The following CREM variants were observed in gnomAD, a reference collection of about 807,000 sequenced individuals.
The protein encoded by CREM is cAMP-responsive element modulator.
A neutral mutation model predicts 37.3 loss-of-function variants in CREM; 13 were observed. That is an observed-to-expected ratio of 0.35 (90% CI 0.23 to 0.55). CREM has a LOEUF of 0.55. Ranked by LOEUF, CREM falls within the 20% of genes least tolerant of loss-of-function variation. CREM has a pLI of 0.88. For missense variants in CREM, 296 were observed against 362.3 expected (o/e 0.82, Z 1.49); for synonymous variants, 124 against 120.2 (o/e 1.03, Z -0.21).
intron 3 of CREM, among the ~76,000 whole-genome samples, chr10:35,169,183 T>G (rs2093687155): frequency 6.6e-6 from 1 of 151,276 alleles, no homozygotes; most frequent in Non-Finnish European, 1.5e-5. Flanking sequence ...ATAAATTACC[T>G]TGGGCAGTAT....
intron 3 of CREM, among the ~76,000 whole-genome samples, chr10:35,175,287 A>C (rs1434844452): frequency 6.6e-6 from 1 of 152,202 alleles, no homozygotes; most frequent in Non-Finnish European, 1.5e-5. Context: ...TCTACTAAAA[A>C]TACAAACAAT....
Position 35,179,292 on chromosome 10 carries a change from T to A in CREM, c.409+16T>A, listed in dbSNP as rs1377605979. The A allele has an allele frequency of 9.3e-6, 15 of 1,612,990 alleles. No homozygotes were observed. Among genetic ancestry groups the A allele is most frequent in the Non-Finnish European group, 1.2e-5 (14 of 1,179,552 alleles). ...GGGCAATACAGTATGTATGCTGCAA[T>A]TCGATATGATACAGTGCTAGCTTTA... On this transcript the variant is annotated intron_variant, in intron 5 of 7. Coordinates refer to ENST00000685392, the MANE Select transcript of CREM (RefSeq NM_183011.2).
chr10:35,136,890 G>A (rs2135576779), intron 1 of CREM, among the ~76,000 whole-genome samples: 1 of 150,328 alleles, frequency 6.7e-6, no homozygotes, highest in Admixed American at 6.7e-5. Context: ...GTGCAAACAT[G>A]GCCCATTGCA....
At chr10:35,204,042 A>G (rs988468946) in intron 6 of CREM, among the ~76,000 whole-genome samples, 12 of 152,014 alleles carry the variant, frequency 7.9e-5, no homozygotes, top group African/African-American at 2.9e-4. Context: ...TTACCCCATA[A>G]CCTTCTTCCC....
At chr10:35,169,412 T>C (rs992338409) in intron 3 of CREM, among the ~76,000 whole-genome samples, 1 of 152,340 alleles carries the variant, frequency 6.6e-6, no homozygotes, top group African/African-American at 2.4e-5. Context: ...TACTGGTGTA[T>C]AAGAATGCTT....
chr10:35,156,771 C>G lies in CREM; in HGVS notation c.168+8280C>G, dbSNP rs138376570. Among the ~76,000 whole-genome samples the G allele has an allele frequency of 2.6e-5, 4 of 152,104 alleles. No homozygotes were observed. The South Asian group carries it at 8.3e-4, about 32-fold the overall frequency. ...TCTTAAAAGGTATAGGGGAGAAAAG[C>G]CTGGTTATGGTAATGAATGTATTAG... On this transcript the variant is annotated intron_variant, in intron 3 of 7. Transcript: ENST00000685392.
chr10:35,149,907 C>CAT (rs2092455964), intron 3 of CREM, among the ~76,000 whole-genome samples: 1 of 112,248 alleles, frequency 8.9e-6, no homozygotes, highest in Non-Finnish European at 2.1e-5. Context: ...CACACACACA[C>CAT]ACACACACAC....
intron 3 of CREM, among the ~76,000 whole-genome samples, chr10:35,174,001 A>G (rs760042407): frequency 3.9e-5 from 6 of 152,262 alleles, no homozygotes; most frequent in Non-Finnish European, 7.3e-5. Flanking sequence ...TTTGTAGAAT[A>G]AATCCAATGT....
chr10:35,169,114 G>A (rs918236373), intron 3 of CREM, among the ~76,000 whole-genome samples: 7 of 152,072 alleles, frequency 4.6e-5, no homozygotes, highest in South Asian at 2.1e-4. Context: ...CTTTAAAGTC[G>A]TTTTTTCCAT....
chr10:35,164,810 G>A (rs1468463453), intron 3 of CREM, among the ~76,000 whole-genome samples: 2 of 152,226 alleles, frequency 1.3e-5, no homozygotes, highest in African/African-American at 4.8e-5. Flanking sequence ...AGCACTTTGG[G>A]AGCCTGAGTT....
At chr10:35,192,350 T>G (rs1358082010) in intron 6 of CREM, among the ~76,000 whole-genome samples, 1 of 152,102 alleles carries the variant, frequency 6.6e-6, no homozygotes, top group African/African-American at 2.4e-5. Flanking sequence ...TTGTTTTGTT[T>G]CGTTTTGTTT....
chr10:35,152,748 A>G (rs1336061313), intron 3 of CREM, among the ~76,000 whole-genome samples: 3 of 152,056 alleles, frequency 2.0e-5, no homozygotes, highest in Non-Finnish European at 4.4e-5. Flanking sequence ...AATCTTTTCC[A>G]GAAATCAAAA....
At chr10:35,161,379 CA>C (rs2093284168) in intron 3 of CREM, among the ~76,000 whole-genome samples, 1 of 151,822 alleles carries the variant, frequency 6.6e-6, no homozygotes, top group Admixed American at 6.6e-5. Flanking sequence ...CCTGTAATCG[CA>C]GCTACTTGGG....
intron 5 of CREM, 111 bp downstream of exon 5, chr10:35,179,387 T>A: frequency 8.3e-7 from 1 of 1,204,364 alleles, no homozygotes; most frequent in South Asian, 1.7e-5. Context: ...AATGCATCAT[T>A]AATACCTAAA....
intron 3 of CREM, among the ~76,000 whole-genome samples, chr10:35,170,124 G>A (rs1353366025): frequency 2.0e-4 from 31 of 151,842 alleles, no homozygotes; most frequent in South Asian, 4.2e-4. Context: ...CACCACACCC[G>A]GCTAATTTTT....
At chr10:35,128,685 C>T (rs2088612728) in intron 1 of CREM, among the ~76,000 whole-genome samples, 1 of 152,052 alleles carries the variant, frequency 6.6e-6, no homozygotes. Flanking sequence ...GCCACCACGC[C>T]TGGCTAATTT....
intron 5 of CREM, among the ~76,000 whole-genome samples, chr10:35,186,704 T>TATATACAAC (rs2094566222): frequency 7.3e-6 from 1 of 137,906 alleles, no homozygotes; most frequent in Non-Finnish European, 1.5e-5. Flanking sequence ...ATTTTGGTCA[T>TATATACAAC]ATATACAACA....
intron 6 of CREM, among the ~76,000 whole-genome samples, chr10:35,204,552 A>C (rs1425178135): frequency 6.7e-6 from 1 of 149,456 alleles, no homozygotes; most frequent in Non-Finnish European, 1.5e-5. Context: ...GTAAGCCAAG[A>C]TTGCACCAGT....
At chr10:35,181,443 G>A (rs1054307038) in intron 5 of CREM, among the ~76,000 whole-genome samples, 8 of 152,174 alleles carry the variant, frequency 5.3e-5, no homozygotes, top group Admixed American at 2.0e-4. Flanking sequence ...CAGCCCCAAT[G>A]GCTTCATTCC....
Sources: gnomAD v4.1 joint callset for allele counts (sites outside exome capture counted in the v4.1 genomes callset) on GRCh38, gnomAD v4.1.1 for gene constraint, MANE v1.5 for transcripts, NCBI Gene and HGNC (gene_info 2026-07-23, HGNC 2026-07-21) for gene names.